The following ZNF589 variants were observed in gnomAD, a reference collection of about 807,000 sequenced individuals.
The protein encoded by ZNF589 is zinc finger protein 589.
Under a neutral mutation model 13.6 loss-of-function variants are expected in ZNF589, and 17 were observed. The observed-to-expected ratio is 1.25, with a 90% CI of 0.86 to 1.88. The LOEUF (loss-of-function observed/expected upper bound fraction) is 1.88. Ranked by LOEUF, ZNF589 falls within the 40% of genes most tolerant of loss-of-function variation. The pLI is 0.00. For synonymous variants in ZNF589, 148 were observed against 161.6 expected, an observed-to-expected ratio of 0.92 and a Z score of 0.64; for missense variants, 407 against 434.0, an observed-to-expected ratio of 0.94 and a Z score of 0.55.
chr3:48,257,448 C>T (rs1438171308), intron 2 of ZNF589, among the ~76,000 whole-genome samples: 5 of 151,852 alleles, frequency 3.3e-5, no homozygotes, highest in South Asian at 4.2e-4. Context: ...TTAGTAGAGA[C>T]GGGATTTCAC....
chr3:48,245,722 A>C (rs2106830918), intron 1 of ZNF589, among the ~76,000 whole-genome samples: 1 of 152,300 alleles, frequency 6.6e-6, no homozygotes, highest in Admixed American at 6.5e-5. Flanking sequence ...CGAGGCAGGC[A>C]GATCACCTGA....
chr3:48,268,251 T>C lies in ZNF589; in HGVS notation c.560T>C (p.Ile187Thr). Reference sequence around the variant, plus strand: ...TGGGGAGGCAACAGAATATTAGAGATACAGCTCAGTCCAGCCCAGAATGCA... The same window carrying C: ...TGGGGAGGCAACAGAATATTAGAGACACAGCTCAGTCCAGCCCAGAATGCA... The part of the protein sequence containing the change: ...SSWGGNRILE[I>T]QLSPAQNASS... Residue 187 changes from isoleucine (I) to threonine (T), a missense_variant, in exon 4 of 4, where the codon ATA becomes ACA. Transcript: ENST00000354698. 6.2e-7 allele frequency: 1 copy of C among 1,606,986 alleles called. No individual in the cohort carries two copies.
rs150027296 is a variant in ZNF589 at position 48,266,501 on chromosome 3, T to C, written c.224-1414T>C. Among the ~76,000 whole-genome samples the C allele has an allele frequency of 4.3e-3, 649 of 152,264 alleles. 4 individuals carry two copies. The highest frequency in any genetic ancestry group is 0.015 in the African/African-American group (618 of 41,544). On this transcript the variant is annotated intron_variant, in intron 3 of 3. Transcript: ENST00000354698. ...TAGAGTGCTGCCCTAGAATCAGGAATCGAAGAATGTGGTGGTGGGAGTGGG... is the reference window on the plus strand; with the variant it reads ...TAGAGTGCTGCCCTAGAATCAGGAACCGAAGAATGTGGTGGTGGGAGTGGG...
chr3:48,268,120 A>T lies in ZNF589; in HGVS notation c.429A>T (p.Glu143Asp). 1 of 1,614,218 alleles carries T rather than the reference A, an allele frequency of 6.2e-7. No homozygotes were observed. Among genetic ancestry groups the T allele is most frequent in the Non-Finnish European group, 8.5e-7 (1 of 1,180,026 alleles). The change falls in exon 4 of 4, where the codon GAA becomes GAT. Residue 143 changes from glutamate to aspartate, a missense_variant. Coordinates refer to ENST00000354698, the MANE Select transcript of ZNF589 (RefSeq NM_016089.3). ...AAAATCACAGGGGGGCTGAAGCAGA[A>T]GATCAACGAGTGGAAGGAGGCGTCA... ...SDKNHRGAEA[E>D]DQRVEGGVRP...
intron 2 of ZNF589, among the ~76,000 whole-genome samples, chr3:48,252,891 C>T (rs2033855275): frequency 1.3e-5 from 2 of 152,192 alleles, no homozygotes; most frequent in Admixed American, 6.5e-5. Flanking sequence ...GCTGGGATTA[C>T]AGGCGTGAGC....
At position 48,270,576 on chromosome 3, in the gene ZNF589, GCTAGCC is replaced by G. The variant is rs1300374595; in HGVS notation, c.*1794_*1799del. 6.6e-6 allele frequency: 2 copies of G among 300,958 alleles called. No individual in the cohort carries two copies. The highest frequency in any genetic ancestry group is 6.5e-6 in the Non-Finnish European group (1 of 153,918). 18.6% of individuals were successfully genotyped at this position (300,958 alleles called of 1,614,324 possible). On this transcript the variant is annotated 3_prime_UTR_variant, in exon 4 of 4. Coordinates refer to ENST00000354698, the MANE Select transcript of ZNF589 (RefSeq NM_016089.3). ...GTTTGCCTTACTCCCTTGGGCTGGG[GCTAGCC>G]CTACCTGATACCCTGTGTCAATGAG...
chr3:48,269,055 G>A lies in ZNF589; in HGVS notation c.*269G>A, dbSNP rs373217134. On this transcript the variant is annotated 3_prime_UTR_variant, in exon 4 of 4. Coordinates refer to ENST00000354698, the MANE Select transcript of ZNF589 (RefSeq NM_016089.3). ...GGGGAATGTGGGCGGGGATTTAGCC[G>A]GAGGATAGTCCTCAATGGACACTGG... 80 of 656,128 alleles carry A rather than the reference G, an allele frequency of 1.2e-4. No individual in the cohort carries two copies. The highest frequency in any genetic ancestry group is 7.2e-4 in the Admixed American group (26 of 36,276). The allele number at this position is 656,128 out of a possible 1,614,324, so 40.6% of individuals were successfully genotyped here.
intron 2 of ZNF589, among the ~76,000 whole-genome samples, chr3:48,254,639 T>C (rs2033878367): frequency 5.3e-5 from 8 of 152,192 alleles, no homozygotes; most frequent in Admixed American, 5.2e-4. Context: ...TTTGATTTCT[T>C]TCATCATTGT....
chr3:48,241,472 G>A (rs1319910051), intron 1 of ZNF589, among the ~76,000 whole-genome samples: 1 of 152,248 alleles, frequency 6.6e-6, no homozygotes, highest in African/African-American at 2.4e-5. Context: ...GCCATAAATG[G>A]CTGCTGAGCA....
chr3:48,250,949 C>T lies in ZNF589; in HGVS notation c.96+3272C>T, dbSNP rs998670493. ...TGTTTTTAGTGGAGACGGGGTTTCA[C>T]CATGTTGGCCAGGCTGGTCTCAAGT... is the stretch of plus-strand genomic sequence containing the variant. On this transcript the variant is annotated intron_variant, in intron 2 of 3. Coordinates refer to ENST00000354698, the MANE Select transcript of ZNF589 (RefSeq NM_016089.3). 4.8e-5 allele frequency among the ~76,000 whole-genome samples: 7 copies of T among 145,854 alleles called. No individual in the cohort carries two copies. In the East Asian group the frequency reaches 1.4e-3, roughly 30 times the overall value.
chr3:48,265,026 C>T (rs968539532), intron 3 of ZNF589, among the ~76,000 whole-genome samples: 2 of 151,676 alleles, frequency 1.3e-5, no homozygotes, highest in African/African-American at 2.4e-5. Context: ...GGCTGGAGTG[C>T]GATGGTGTGA....
intron 1 of ZNF589, 60 bp downstream of exon 1, chr3:48,241,274 A>G: frequency 4.4e-6 from 7 of 1,592,696 alleles, no homozygotes; most frequent in East Asian, 2.2e-5. Context: ...GGCGCCGCGC[A>G]GGCGTCGGCC....
In ZNF589 at chr3:48,268,383, TC is replaced by T. The variant is rs1335961289; in HGVS notation, c.693del (p.Phe231LeufsTer56). 6.2e-7 allele frequency: 1 copy of T among 1,614,036 alleles called. No individual in the cohort carries two copies. The highest frequency in any genetic ancestry group is 8.5e-7 in the Non-Finnish European group (1 of 1,180,006). ...GCTTTTAACCAGAAGTCAAACCTGT[TC>T]AGACAGAAGGCAGTCACAGCAGAAA... ...ALAFNQKSNL[F>X]RQKAVTAEKS... On this transcript the variant is annotated frameshift_variant, in exon 4 of 4. Transcript: ENST00000354698. LOFTEE classifies it low-confidence loss of function (END_TRUNC).
intron 2 of ZNF589, among the ~76,000 whole-genome samples, chr3:48,258,562 C>T (rs1365758244): frequency 6.6e-6 from 1 of 152,070 alleles, no homozygotes; most frequent in Non-Finnish European, 1.5e-5. Context: ...TTTTTGAGAA[C>T]CAAAAATTAT....
At position 48,269,174 on chromosome 3, in the gene ZNF589, T is replaced by C. The variant is rs1452594026; in HGVS notation, c.*388T>C. Reference sequence around the variant, plus strand: ...TCTTAGTGTACATCAGAGGATACACTCTGGGGAGAAGCCTTATGCATGCAC... The same window carrying C: ...TCTTAGTGTACATCAGAGGATACACCCTGGGGAGAAGCCTTATGCATGCAC... On this transcript the variant is annotated 3_prime_UTR_variant, in exon 4 of 4. Coordinates refer to ENST00000354698, the MANE Select transcript of ZNF589 (RefSeq NM_016089.3). 3 of 1,032,152 alleles carry C rather than the reference T, an allele frequency of 2.9e-6. No individual in the cohort carries two copies. The highest frequency in any genetic ancestry group is 1.6e-5 in the African/African-American group (1 of 61,998). The allele number at this position is 1,032,152 out of a possible 1,614,324, so 63.9% of individuals were successfully genotyped here.
chr3:48,255,487 CTT>C (rs1230659894), intron 2 of ZNF589, among the ~76,000 whole-genome samples: 9 of 82,758 alleles, frequency 1.1e-4, no homozygotes, highest in African/African-American at 4.1e-4. Context: ...AGAGTTTTTA[CTT>C]TTTTTTTTTT....
intron 2 of ZNF589, among the ~76,000 whole-genome samples, chr3:48,254,075 G>A (rs1412798368): frequency 6.6e-6 from 1 of 151,720 alleles, no homozygotes; most frequent in African/African-American, 2.4e-5. Context: ...GGGTGACAGA[G>A]CGAGACCTTA....
At chr3:48,257,425 A>G (rs901986226) in intron 2 of ZNF589, among the ~76,000 whole-genome samples, 2 of 151,650 alleles carry the variant, frequency 1.3e-5, no homozygotes, top group African/African-American at 2.4e-5. Flanking sequence ...ACACCCAGCT[A>G]ATTTTTGCAT....
chr3:48,259,414 C>T (rs1481722075), intron 2 of ZNF589, among the ~76,000 whole-genome samples: 1 of 152,184 alleles, frequency 6.6e-6, no homozygotes, highest in Non-Finnish European at 1.5e-5. Flanking sequence ...TAGCCTTGCA[C>T]TGTGTTTCCT....
Sources: gnomAD v4.1 joint callset for allele counts (sites outside exome capture counted in the v4.1 genomes callset) on GRCh38, gnomAD v4.1.1 for gene constraint, MANE v1.5 for transcripts, NCBI Gene and HGNC (gene_info 2026-07-23, HGNC 2026-07-21) for gene names.